The following RNF180 variants were observed in gnomAD, a reference collection of about 807,000 sequenced individuals.
RNF180 encodes ring finger protein 180, also known as E3 ubiquitin-protein ligase RNF180.
In RNF180, 38 loss-of-function variants were observed where a neutral mutation model predicts 59.2. That is an observed-to-expected ratio of 0.64 (90% confidence interval 0.50 to 0.84). The LOEUF (loss-of-function observed/expected upper bound fraction) is 0.84, where lower values mean the gene tolerates loss of function less well. RNF180 is among the 40% of genes least tolerant of loss of function. The pLI is 0.00. For synonymous variants in RNF180, 262 were observed against 240.3 expected (o/e 1.09, Z -0.84); for missense variants, 705 against 700.9 (o/e 1.01, Z -0.07).
At chr5:64,187,739 A>G (rs1750941878) in intron 1 of RNF180, among the ~76,000 whole-genome samples, 1 of 152,196 alleles carries the variant, frequency 6.6e-6, no homozygotes, top group Non-Finnish European at 1.5e-5. Context: ...CTTTCACCAA[A>G]TAATACAGGT....
chr5:64,236,747 C>T (rs1006091443), intron 5 of RNF180, among the ~76,000 whole-genome samples: 2 of 152,092 alleles, frequency 1.3e-5, no homozygotes, highest in African/African-American at 2.4e-5. Flanking sequence ...CGGCTTCAGG[C>T]CTTGATGTCC....
At chr5:64,338,375 C>T (rs1745219449) in intron 7 of RNF180, among the ~76,000 whole-genome samples, 1 of 152,168 alleles carries the variant, frequency 6.6e-6, no homozygotes, top group Non-Finnish European at 1.5e-5. Flanking sequence ...TGGCTCATGC[C>T]TGTAATCCCA....
intron 5 of RNF180, among the ~76,000 whole-genome samples, chr5:64,277,131 T>A (rs1741761936): frequency 6.7e-6 from 1 of 150,280 alleles, no homozygotes; most frequent in Non-Finnish European, 1.5e-5. Flanking sequence ...ACCGAGCTTT[T>A]AAGGTTAAAT....
intron 5 of RNF180, among the ~76,000 whole-genome samples, chr5:64,286,938 C>T (rs1742320228): frequency 1.3e-5 from 2 of 152,012 alleles, no homozygotes; most frequent in Admixed American, 1.3e-4. Context: ...TAATAGAAGA[C>T]GTCAAATGCT....
intron 5 of RNF180, among the ~76,000 whole-genome samples, chr5:64,319,090 GTGTGCA>G (rs1402412689): frequency 6.6e-6 from 1 of 151,628 alleles, no homozygotes; most frequent in Non-Finnish European, 1.5e-5. Flanking sequence ...AACTCTGTGT[GTGTGCA>G]TGTGCGTGTG....
chr5:64,179,851 C>T (rs754204821), intron 1 of RNF180, among the ~76,000 whole-genome samples: 1 of 152,142 alleles, frequency 6.6e-6, no homozygotes, highest in African/African-American at 2.4e-5. Flanking sequence ...TATACCTCCC[C>T]GTAGCAGTTT....
chr5:64,291,420 T>TC (rs1742576505), intron 5 of RNF180, among the ~76,000 whole-genome samples: 1 of 129,828 alleles, frequency 7.7e-6, no homozygotes, highest in African/African-American at 3.1e-5. Context: ...TGTTTTCTTT[T>TC]TTTTTTTTTT....
intron 5 of RNF180, among the ~76,000 whole-genome samples, chr5:64,298,996 G>A (rs917364947): frequency 1.3e-5 from 2 of 151,946 alleles, no homozygotes; most frequent in Non-Finnish European, 2.9e-5. Context: ...CAAGGTGATG[G>A]TGTTGTTAGT....
At chr5:64,244,847 G>A (rs926766891) in intron 5 of RNF180, among the ~76,000 whole-genome samples, 3 of 152,076 alleles carry the variant, frequency 2.0e-5, no homozygotes, top group East Asian at 3.8e-4. Flanking sequence ...GAGAAAGGTC[G>A]GGTTACCCAC....
At chr5:64,345,989 T>C (rs201418416) in intron 7 of RNF180, among the ~76,000 whole-genome samples, 1 of 127,058 alleles carries the variant, frequency 7.9e-6, no homozygotes, top group Non-Finnish European at 1.7e-5. Flanking sequence ...AATCATTGAT[T>C]TTTTTTTAGG....
At chr5:64,173,087 G>A (rs1317401879) in intron 1 of RNF180, among the ~76,000 whole-genome samples, 1 of 152,070 alleles carries the variant, frequency 6.6e-6, no homozygotes, top group African/African-American at 2.4e-5. Context: ...ACAGCAAACT[G>A]TACAAAAAAT....
At chr5:64,231,545 C>T (rs904414768) in intron 5 of RNF180, among the ~76,000 whole-genome samples, 18 of 152,158 alleles carry the variant, frequency 1.2e-4, no homozygotes, top group Non-Finnish European at 2.2e-4. Flanking sequence ...TGCTCTCTTT[C>T]GGTTAATTCG....
intron 7 of RNF180, among the ~76,000 whole-genome samples, chr5:64,332,169 C>A (rs1015007582): frequency 3.3e-5 from 5 of 152,042 alleles, no homozygotes; most frequent in Non-Finnish European, 1.5e-5. Flanking sequence ...GTTGAACTGG[C>A]CCAGCAGGCA....
rs186317617 is a variant in RNF180 at position 64,291,939 on chromosome 5, G to A, written c.1228-33247G>A. 4.9e-4 allele frequency among the ~76,000 whole-genome samples: 74 copies of A among 152,048 alleles called. No individual in the cohort carries two copies. The East Asian group carries it at 8.1e-3, about 17-fold the overall frequency. ...CCTTCGCTTGATCTCTTCTGCTGTC[G>A]TGGTTATATTGTGAATTTCTTATGT... On this transcript the variant is annotated intron_variant, in intron 5 of 7. Transcript: ENST00000389100.
intron 1 of RNF180, among the ~76,000 whole-genome samples, chr5:64,180,964 A>G (rs1256876795): frequency 6.6e-6 from 1 of 152,184 alleles, no homozygotes; most frequent in Non-Finnish European, 1.5e-5. Flanking sequence ...GGAAGCCAAC[A>G]ATGCAGCCTT....
intron 2 of RNF180, 46 bp downstream of exon 2, chr5:64,200,988 C>T (rs777978395): frequency 1.3e-6 from 2 of 1,546,754 alleles, no homozygotes; most frequent in South Asian, 2.3e-5. Context: ...TAGAGGAGTG[C>T]TGTGGGCCTA....
At chr5:64,306,414 A>G (rs959334982) in intron 5 of RNF180, among the ~76,000 whole-genome samples, 2 of 151,706 alleles carry the variant, frequency 1.3e-5, no homozygotes, top group African/African-American at 2.4e-5. Flanking sequence ...GATAAAATAC[A>G]TAGGCTAGCC....
chr5:64,240,764 A>G lies in RNF180; in HGVS notation c.1227+23368A>G, dbSNP rs114666532. On this transcript the variant is annotated intron_variant, in intron 5 of 7. Coordinates refer to ENST00000389100, the MANE Select transcript of RNF180 (RefSeq NM_001113561.2). ...GAAGGCTCTGCCCTGAGGTATCCAC[A>G]TAAGTCCCTTACCTCATTCACATCT... Among the ~76,000 whole-genome samples the G allele has an allele frequency of 7.3e-3, 1,113 of 152,350 alleles. 15 individuals carry two copies. The highest frequency in any genetic ancestry group is 0.024 in the African/African-American group (991 of 41,574).
intron 5 of RNF180, among the ~76,000 whole-genome samples, chr5:64,251,902 A>T (rs1256800719): frequency 6.6e-6 from 1 of 152,202 alleles, no homozygotes; most frequent in Non-Finnish European, 1.5e-5. Context: ...AGATCTGCAC[A>T]CTGAAAACTA....
Sources: allele counts gnomAD v4.1 joint callset (sites outside exome capture counted in the v4.1 genomes callset), GRCh38; gene constraint gnomAD v4.1.1; transcripts MANE v1.5; gene names NCBI Gene and HGNC (gene_info 2026-07-23, HGNC 2026-07-21).